The following ABCG2 variants were observed in gnomAD, a reference collection of about 807,000 sequenced individuals.
The protein encoded by ABCG2 is ATP binding cassette subfamily G member 2 (JR blood group).
A neutral mutation model predicts 73.5 loss-of-function variants in ABCG2; 80 were observed. The ratio of observed to expected loss-of-function variants is 1.09; its 90% CI spans 0.91 to 1.31. The LOEUF is 1.31. ABCG2 is among the 50% of genes most tolerant of loss of function. The pLI, the probability that ABCG2 is intolerant of heterozygous loss-of-function variation, is 0.00. For synonymous variants in ABCG2, 269 were observed against 282.4 expected, an observed-to-expected ratio of 0.95 and a Z score of 0.48; for missense variants, 796 against 786.2, an observed-to-expected ratio of 1.01 and a Z score of -0.15.
At chr4:88,202,596 G>T (rs6845663) in intron 1 of ABCG2, among the ~76,000 whole-genome samples, 53,058 of 151,096 alleles carry the variant, frequency 0.35, 11,648 homozygotes, top group African/African-American at 0.62. Flanking sequence ...GTTACCACCC[G>T]GGAACAGGAG....
At chr4:88,122,080 T>C (rs1033782834) in intron 5 of ABCG2, among the ~76,000 whole-genome samples, 1 of 151,562 alleles carries the variant, frequency 6.6e-6, no homozygotes, top group Admixed American at 6.6e-5. Flanking sequence ...GTCCCTCCCC[T>C]AGCCAAGAGA....
chr4:88,213,980 G>GA, intron 1 of ABCG2, among the ~76,000 whole-genome samples: 1 of 100,706 alleles, frequency 9.9e-6, no homozygotes. Context: ...ACCACGCCCG[G>GA]CCTTTTTTTT....
At chr4:88,102,093 T>C (rs762094068) in intron 10 of ABCG2, among the ~76,000 whole-genome samples, 2 of 152,192 alleles carry the variant, frequency 1.3e-5, no homozygotes, top group Non-Finnish European at 2.9e-5. Flanking sequence ...CAACCCCTTA[T>C]TATATGCATA....
chr4:88,153,252 A>C (rs1322565631), intron 1 of ABCG2, among the ~76,000 whole-genome samples: 1 of 151,986 alleles, frequency 6.6e-6, no homozygotes, highest in Non-Finnish European at 1.5e-5. Flanking sequence ...GTAGTTGAGA[A>C]TGGTGAATAG....
At chr4:88,172,593 A>AT (rs199995720) in intron 1 of ABCG2, among the ~76,000 whole-genome samples, 6,529 of 151,042 alleles carry the variant, frequency 0.043, 243 homozygotes, top group South Asian at 0.11. Flanking sequence ...AAAAAAAAAA[A>AT]ATTAATTAAT....
intron 10 of ABCG2, among the ~76,000 whole-genome samples, chr4:88,104,608 C>A (rs1446527917): frequency 1.3e-5 from 2 of 151,758 alleles, no homozygotes; most frequent in Non-Finnish European, 2.9e-5. Context: ...CCATGGCACA[C>A]GTTTAACTAT....
chr4:88,147,590 C>T (rs1726145983), intron 1 of ABCG2, among the ~76,000 whole-genome samples: 1 of 152,168 alleles, frequency 6.6e-6, no homozygotes, highest in Non-Finnish European at 1.5e-5. Flanking sequence ...ATTTTTGTTT[C>T]CTGCAGAGTT....
At chr4:88,191,112 G>C (rs188028505) in intron 1 of ABCG2, among the ~76,000 whole-genome samples, 1 of 150,886 alleles carries the variant, frequency 6.6e-6, no homozygotes, top group Non-Finnish European at 1.5e-5. Flanking sequence ...AGGCATTGTG[G>C]AGGGTGCCTG....
At chr4:88,194,815 A>G (rs976197279) in intron 1 of ABCG2, among the ~76,000 whole-genome samples, 18 of 152,110 alleles carry the variant, frequency 1.2e-4, no homozygotes, top group Admixed American at 6.6e-5. Flanking sequence ...AGTACCAGTA[A>G]TGGGAGGGAA....
At chr4:88,107,620 T>C (rs985723490) in intron 9 of ABCG2, among the ~76,000 whole-genome samples, 3 of 152,316 alleles carry the variant, frequency 2.0e-5, no homozygotes, top group East Asian at 3.9e-4. Context: ...AATGCAAGTA[T>C]GTAGCAAAGC....
Position 88,149,748 on chromosome 4 carries a change from G to A in ABCG2, c.-20+8638C>T, listed in dbSNP as rs1726322574. On this transcript the variant is annotated intron_variant, in intron 1 of 15. Coordinates refer to ENST00000237612, the MANE Select transcript of ABCG2 (RefSeq NM_004827.3). ...TGCCTGTAACCCCAGCCACTCGGGAGGCTGAGGCAGGAGAACTGCTTGAAC... is the reference window on the plus strand; with the variant it reads ...TGCCTGTAACCCCAGCCACTCGGGAAGCTGAGGCAGGAGAACTGCTTGAAC... 2.0e-5 allele frequency among the ~76,000 whole-genome samples: 3 copies of A among 152,218 alleles called. No individual in the cohort carries two copies. The South Asian group carries it at 6.2e-4, about 32-fold the overall frequency.
intron 5 of ABCG2, among the ~76,000 whole-genome samples, chr4:88,124,578 A>C (rs1293713534): frequency 6.6e-6 from 1 of 152,242 alleles, no homozygotes; most frequent in East Asian, 1.9e-4. Context: ...GTATTACATA[A>C]TGGTAAAGAG....
intron 2 of ABCG2, among the ~76,000 whole-genome samples, chr4:88,138,320 T>C (rs964503291): frequency 1.3e-5 from 2 of 152,148 alleles, no homozygotes; most frequent in Non-Finnish European, 2.9e-5. Flanking sequence ...ATGCTGGGTA[T>C]GGAGACAAAC....
intron 5 of ABCG2, among the ~76,000 whole-genome samples, chr4:88,123,028 G>C (rs149027545): frequency 0.093 from 14,155 of 152,256 alleles, 970 homozygotes; most frequent in East Asian, 0.31. Flanking sequence ...GTGATACCCA[G>C]GCAAACAGGG....
intron 1 of ABCG2, among the ~76,000 whole-genome samples, chr4:88,213,199 C>A (rs894851579): frequency 6.6e-6 from 1 of 152,190 alleles, no homozygotes; most frequent in Non-Finnish European, 1.5e-5. Context: ...CCACAAAGAC[C>A]TGTAATTATC....
In ABCG2 at chr4:88,131,811, C is replaced by T. The variant is rs774024199; in HGVS notation, c.370G>A (p.Val124Met). ...AACCCACTAATACTTACTTGTACCA[C>T]GTAACCTGAATTACATTTGAAATTG... ...PANFKCNSGY[V>M]VQDDVVMGTL... The change falls in exon 4 of 16, where the codon GTG (valine) becomes ATG (methionine). Residue 124 changes from valine to methionine, a missense_variant. Physicochemically the swap from Val to Met is conservative, Grantham distance 21. Coordinates refer to ENST00000237612, the MANE Select transcript of ABCG2 (RefSeq NM_004827.3). 4 of 1,612,560 alleles carry T rather than the reference C, an allele frequency of 2.5e-6. No homozygotes were observed. Among genetic ancestry groups the T allele is most frequent in the African/African-American group, 1.3e-5 (1 of 75,020 alleles).
chr4:88,219,540 G>A (rs1434761384), intron 1 of ABCG2, among the ~76,000 whole-genome samples: 1 of 148,506 alleles, frequency 6.7e-6, no homozygotes, highest in African/African-American at 2.5e-5. Context: ...CTTCTACTGT[G>A]GTAAAATATT....
At chr4:88,093,560 C>A (rs1050149179) in intron 15 of ABCG2, among the ~76,000 whole-genome samples, 2 of 151,422 alleles carry the variant, frequency 1.3e-5, no homozygotes, top group Non-Finnish European at 2.9e-5. Context: ...GAGGATGAAG[C>A]CTCATCTTCC....
At chr4:88,097,404 TGAAG>T (rs1259912474) in intron 13 of ABCG2, 45 bp downstream of exon 13, 1 of 1,592,630 alleles carries the variant, frequency 6.3e-7, no homozygotes, top group Non-Finnish European at 8.6e-7. Flanking sequence ...CAGGAAGAAA[TGAAG>T]GAAAAAAACA....
Sources: gnomAD v4.1 joint callset for allele counts (sites outside exome capture counted in the v4.1 genomes callset) on GRCh38, gnomAD v4.1.1 for gene constraint, MANE v1.5 for transcripts, NCBI Gene and HGNC (gene_info 2026-07-23, HGNC 2026-07-21) for gene names.